The following SRSF1 variants were observed in gnomAD, a reference collection of about 807,000 sequenced individuals.
SRSF1 encodes serine/arginine-rich splicing factor 1.
In SRSF1, 1 loss-of-function variant was observed where a neutral mutation model predicts 25.9. That is an observed-to-expected ratio of 0.04 (90% CI 0.01 to 0.18). The LOEUF (loss-of-function observed/expected upper bound fraction) is 0.18. SRSF1 is among the 10% of genes least tolerant of loss of function. SRSF1 has a pLI of 1.00. For synonymous variants in SRSF1, 132 were observed against 126.2 expected (o/e 1.05, Z -0.31); for missense variants, 65 against 350.5 (o/e 0.19, Z 6.50).
chr17:57,991,491 A>C, the SRSF1 span: 2 of 152,244 alleles, frequency 1.3e-5, no homozygotes, highest in East Asian at 3.8e-4. Context: ...TATGCAAAAA[A>C]GCCAGAACTG....
chr17:57,995,190 T>A, the SRSF1 span, among the ~76,000 whole-genome samples: 2 of 152,260 alleles, frequency 1.3e-5, no homozygotes, highest in Non-Finnish European at 2.9e-5. Context: ...ACACATTGGC[T>A]TTTAAAACTT....
chr17:58,005,607 G>A lies in SRSF1; in HGVS notation c.553-7C>T, dbSNP rs749155326. 2 of 1,613,704 alleles carry A rather than the reference G, an allele frequency of 1.2e-6. No homozygotes were observed. Among genetic ancestry groups the A allele is most frequent in the South Asian group, 2.2e-5 (2 of 91,066 alleles). ...GGATGTAGGCAGTTTCTCCCTATTG[G>A]ATAGACAGAACTTTCCATTGAAAGA... On this transcript the variant is annotated splice_region_variant and splice_polypyrimidine_tract_variant and intron_variant, in intron 3 of 3. Transcript: ENST00000258962. The surrounding 1 kb of genome is among the most constrained non-coding windows in gnomAD (Gnocchi z 5.2).
chr17:58,001,466 G>A lies in SRSF1; in HGVS notation c.*3940C>T, dbSNP rs1013639496. ...ACAAAATTCAGACCCAAACAATCAA[G>A]AACCAGAAAATGGGTTTCTTACCTT... On this transcript the variant is annotated 3_prime_UTR_variant, in exon 4 of 4. Transcript: ENST00000258962. Among the ~76,000 whole-genome samples, 2 of 152,118 alleles carry A rather than the reference G, an allele frequency of 1.3e-5. No homozygotes were observed. The highest frequency in any genetic ancestry group is 4.8e-5 in the African/African-American group (2 of 41,440).
the SRSF1 span, chr17:57,992,741 T>C: frequency 1.3e-5 from 2 of 152,212 alleles, no homozygotes; most frequent in Admixed American, 6.5e-5. Context: ...GGGAAAAACA[T>C]GTTATCAAGT....
At chr17:57,997,293 T>C (rs1326524675), downstream of SRSF1, among the ~76,000 whole-genome samples, 2 of 152,326 alleles carry the variant, frequency 1.3e-5, no homozygotes, top group East Asian at 3.9e-4. Flanking sequence ...GCTTCACATC[T>C]GAGGAGTTAT....
downstream of SRSF1, among the ~76,000 whole-genome samples, chr17:57,996,501 A>AAAC (rs1555574763): frequency 1.3e-5 from 2 of 151,304 alleles, no homozygotes; most frequent in African/African-American, 4.9e-5. Context: ...AAAAAAAAAA[A>AAAC]AACAGCCTTT....
downstream of SRSF1, among the ~76,000 whole-genome samples, chr17:57,999,584 A>C (rs1422070251): frequency 2.1e-4 from 32 of 152,204 alleles, no homozygotes; most frequent in Admixed American, 2.1e-3. Context: ...CTAACTTTAG[A>C]GCTGATACAG....
At chr17:57,997,822 T>C (rs187283376), downstream of SRSF1, among the ~76,000 whole-genome samples, 327 of 152,356 alleles carry the variant, frequency 2.1e-3, 14 homozygotes, top group Admixed American at 0.021. Flanking sequence ...ATCACCTTGC[T>C]GCAAATTTAC....
intron 1 of SRSF1, 88 bp from the exon 2 acceptor site, chr17:58,006,615 G>A (rs1262653659): frequency 2.1e-6 from 3 of 1,428,634 alleles, no homozygotes; most frequent in Non-Finnish European, 2.8e-6. Context: ...CCGCACATGC[G>A]CACCCAACGT....
chr17:57,999,596 G>C (rs576217816), downstream of SRSF1, among the ~76,000 whole-genome samples: 1 of 152,280 alleles, frequency 6.6e-6, no homozygotes, highest in Admixed American at 6.5e-5. Context: ...CTGATACAGA[G>C]GATCAAGGTA....
the SRSF1 span, chr17:57,991,860 C>A: frequency 3.3e-5 from 5 of 152,194 alleles, no homozygotes; most frequent in African/African-American, 7.2e-5. Flanking sequence ...AACAAGAATT[C>A]TTTTTCCTGA....
chr17:58,007,228 G>A lies in SRSF1; in HGVS notation c.-91C>T, dbSNP rs985401171. ...AGCCCGCAGCGGCACCACGTCTCCC[G>A]CGGCCCCTCCAAAATGGCGCCTTTA... On this transcript the variant is annotated 5_prime_UTR_variant, in exon 1 of 4. Transcript: ENST00000258962. 1.3e-5 allele frequency: 19 copies of A among 1,483,122 alleles called. No homozygotes were observed. The Admixed American group carries it at 1.3e-4, about 10-fold the overall frequency. 91.9% of individuals were successfully genotyped at this position (1,483,122 alleles called of 1,614,324 possible).
the SRSF1 span, chr17:57,989,986 A>C: frequency 2.7e-6 from 1 of 372,762 alleles, no homozygotes; most frequent in East Asian, 3.8e-5. Flanking sequence ...TGGATAGCAA[A>C]TCTGCTTCTT....
chr17:57,998,696 T>C (rs1034539112), downstream of SRSF1, among the ~76,000 whole-genome samples: 4 of 152,232 alleles, frequency 2.6e-5, no homozygotes, highest in Admixed American at 2.0e-4. Context: ...TAACAGTAAC[T>C]ACCTTCTGTA....
chr17:57,998,496 G>A (rs1377975825), downstream of SRSF1, among the ~76,000 whole-genome samples: 1 of 152,156 alleles, frequency 6.6e-6, no homozygotes, highest in African/African-American at 2.4e-5. Context: ...TCCAGGTTTA[G>A]CACTTTTCTT....
At chr17:57,990,062 C>A in the SRSF1 span, 1 of 277,514 alleles carries the variant, frequency 3.6e-6, no homozygotes, top group African/African-American at 2.2e-5. Context: ...CCTGCATAGT[C>A]TTCTCCTCCC....
At chr17:57,996,943 C>CA (rs952446508), downstream of SRSF1, among the ~76,000 whole-genome samples, 9 of 152,112 alleles carry the variant, frequency 5.9e-5, no homozygotes, top group South Asian at 4.2e-4. Flanking sequence ...TTACCAACAA[C>CA]AAAAAAACAA....
Position 58,007,206 on chromosome 17 carries a change from C to G in SRSF1, c.-69G>C, listed in dbSNP as rs1012867270. The G allele has an allele frequency of 2.5e-6, 4 of 1,574,382 alleles. No homozygotes were observed. In the East Asian group the frequency reaches 6.8e-5, roughly 27 times the overall value. The stretch of plus-strand genomic sequence containing the variant: ...AAGCCTAGCGCACGGCAGAGCGAGC[C>G]CGCAGCGGCACCACGTCTCCCGCGG... On this transcript the variant is annotated 5_prime_UTR_variant, in exon 1 of 4. Transcript: ENST00000258962.
Position 58,006,350 on chromosome 17 carries a change from A to G in SRSF1, c.372T>C (p.Val124=). 6.2e-7 allele frequency: 1 copy of G among 1,611,952 alleles called. No homozygotes were observed. The highest frequency in any genetic ancestry group is 8.5e-7 in the Non-Finnish European group (1 of 1,179,312). The change falls in exon 2 of 4, where the codon GTT becomes GTC. Residue 124 remains valine, a synonymous_variant. Transcript: ENST00000258962. ...CACAACCAGTACACTCACCAGAGAC[A>G]ACCACTCTGTTTTCAGACCGCCTGG... is the stretch of plus-strand genomic sequence containing the variant. ...PPSRRSENRV[V]VSGLPPSGSW...
Sources: allele counts gnomAD v4.1 joint callset (sites outside exome capture counted in the v4.1 genomes callset), GRCh38; gene constraint gnomAD v4.1.1; non-coding constraint Gnocchi (gnomAD v3.1); transcripts MANE v1.5; gene names NCBI Gene and HGNC (gene_info 2026-07-23, HGNC 2026-07-21).